FOXP2: variants seen among roughly 807,000 people sequenced by gnomAD.
FOXP2 encodes forkhead box P2, also known as forkhead box protein P2.
A neutral mutation model predicts 115.8 loss-of-function variants in FOXP2; 12 were observed. The ratio of observed to expected loss-of-function variants is 0.10; its 90% CI spans 0.07 to 0.17. The LOEUF (loss-of-function observed/expected upper bound fraction) is 0.17. Ranked by LOEUF, FOXP2 falls within the 10% of genes least tolerant of loss-of-function variation. The probability of loss-of-function intolerance (pLI) is 1.00; values close to 1 mark genes in which losing one functional copy is unlikely to be tolerated. For synonymous variants in FOXP2, 328 were observed against 297.7 expected, an observed-to-expected ratio of 1.10 and a Z score of -1.05; for missense variants, 629 against 843.5, an observed-to-expected ratio of 0.75 and a Z score of 3.15.
intron 1 of FOXP2, among the ~76,000 whole-genome samples, chr7:114,255,778 C>A (rs1045796505): frequency 3.3e-5 from 5 of 152,124 alleles, no homozygotes; most frequent in African/African-American, 1.2e-4. Flanking sequence ...GGCTCACACT[C>A]GGTGTGCTCC....
At chr7:114,549,326 G>A (rs1293954240) in intron 3 of FOXP2, among the ~76,000 whole-genome samples, 2 of 152,106 alleles carry the variant, frequency 1.3e-5, no homozygotes, top group Admixed American at 6.5e-5. Context: ...AGTTCTGTCC[G>A]ATTACAAGGT....
At chr7:114,166,263 A>T (rs759950985) in intron 1 of FOXP2, among the ~76,000 whole-genome samples, 1 of 152,210 alleles carries the variant, frequency 6.6e-6, no homozygotes, top group Non-Finnish European at 1.5e-5. Flanking sequence ...GTTGGATTTC[A>T]TTAAAATTAA....
intron 1 of FOXP2, among the ~76,000 whole-genome samples, chr7:114,179,305 C>T (rs1050204651): frequency 1.3e-5 from 2 of 151,956 alleles, no homozygotes; most frequent in African/African-American, 4.8e-5. Context: ...AATTTCTCAA[C>T]AGTTTCATTA....
chr7:114,539,251 A>C (rs1562985435), intron 3 of FOXP2, among the ~76,000 whole-genome samples: 1 of 151,932 alleles, frequency 6.6e-6, no homozygotes, highest in Non-Finnish European at 1.5e-5. Context: ...GGGATATAGA[A>C]TCACTCATTA....
chr7:114,466,823 T>C (rs911251336), intron 2 of FOXP2, among the ~76,000 whole-genome samples: 2 of 152,244 alleles, frequency 1.3e-5, no homozygotes, highest in African/African-American at 4.8e-5. Context: ...GCTTAAGGTT[T>C]TCTTTTTGCT....
chr7:114,618,027 A>G (rs1321535545), intron 3 of FOXP2, among the ~76,000 whole-genome samples: 1 of 152,134 alleles, frequency 6.6e-6, no homozygotes, highest in East Asian at 1.9e-4. Flanking sequence ...ATTCCTACTC[A>G]TTCATTGAAA....
At chr7:114,148,455 T>C (rs928219827) in intron 1 of FOXP2, among the ~76,000 whole-genome samples, 5 of 152,144 alleles carry the variant, frequency 3.3e-5, no homozygotes, top group African/African-American at 1.2e-4. Flanking sequence ...CCTCTCCACC[T>C]GAAATCTGTA....
At chr7:114,254,887 A>G (rs1194325) in intron 1 of FOXP2, among the ~76,000 whole-genome samples, 84,768 of 152,050 alleles carry the variant, frequency 0.56, 26,550 homozygotes, top group Admixed American at 0.74. Context: ...TAGAATTTTC[A>G]GCTTTTCTGC....
intron 1 of FOXP2, among the ~76,000 whole-genome samples, chr7:114,139,624 G>C (rs1792147762): frequency 6.6e-6 from 1 of 152,078 alleles, no homozygotes; most frequent in Admixed American, 6.5e-5. Flanking sequence ...ACTTTAGTCA[G>C]AATAATCATT....
At chr7:114,672,379 G>C (rs1222510669) in intron 16 of FOXP2, among the ~76,000 whole-genome samples, 1 of 152,144 alleles carries the variant, frequency 6.6e-6, no homozygotes, top group African/African-American at 2.4e-5. Context: ...GAGGTCAGGA[G>C]TTCAAGACCA....
chr7:114,316,719 G>A (rs1562867949), intron 2 of FOXP2, among the ~76,000 whole-genome samples: 3 of 152,094 alleles, frequency 2.0e-5, no homozygotes, highest in South Asian at 4.1e-4. Flanking sequence ...TGTTTAAAGC[G>A]TTGCTCAGAG....
intron 2 of FOXP2, among the ~76,000 whole-genome samples, chr7:114,342,940 T>C (rs1026755895): frequency 2.6e-5 from 4 of 151,568 alleles, no homozygotes; most frequent in Middle Eastern, 3.2e-3. Context: ...TGTTCAGAAA[T>C]CTAAAAATGC....
chr7:114,626,531 ATCTCTC>A (rs35087540), intron 3 of FOXP2, among the ~76,000 whole-genome samples: 91 of 147,416 alleles, frequency 6.2e-4, no homozygotes, highest in African/African-American at 1.7e-3. Flanking sequence ...TAGAAGGCAT[ATCTCTC>A]TCTCTCTCTC....
At chr7:114,371,208 G>A (rs1455879553) in intron 2 of FOXP2, among the ~76,000 whole-genome samples, 2 of 150,930 alleles carry the variant, frequency 1.3e-5, no homozygotes, top group Admixed American at 6.6e-5. Context: ...AGCCTCCTAA[G>A]TAGCTGGAAC....
At chr7:114,087,630 G>GCGGCGGCGC (rs1343515022), upstream of FOXP2, 13 of 147,262 alleles carry the variant, frequency 8.8e-5, no homozygotes, top group Non-Finnish European at 1.8e-4. Flanking sequence ...TGCGGCGGCG[G>GCGGCGGCGC]CGGCGGCGCC....
rs2129155496 is a variant in FOXP2 at position 114,183,151 on chromosome 7, T to C, written c.-102+20063T>C. 3.9e-5 allele frequency among the ~76,000 whole-genome samples: 6 copies of C among 152,278 alleles called. 1 individual carries two copies. Among genetic ancestry groups the C allele is most frequent in the Admixed American group, 3.9e-4 (6 of 15,290 alleles). ...AAGAAAAAAACAAAAATGTTTGCAC[T>C]TTTTTGAGAAGTTGTTTAGAAATTA... is the stretch of plus-strand genomic sequence containing the variant. On this transcript the variant is annotated intron_variant, in intron 1 of 17. Transcript: ENST00000634411.
chr7:114,264,146 AC>A (rs1795835256), intron 1 of FOXP2, among the ~76,000 whole-genome samples: 1 of 152,080 alleles, frequency 6.6e-6, no homozygotes, highest in Non-Finnish European at 1.5e-5. Context: ...TATTTGCCTT[AC>A]TTCTCTTCAC....
intron 2 of FOXP2, among the ~76,000 whole-genome samples, chr7:114,491,033 G>T (rs866119976): frequency 1.3e-5 from 2 of 152,172 alleles, no homozygotes; most frequent in Non-Finnish European, 2.9e-5. Flanking sequence ...TAATGGGATG[G>T]CTGGGCCAAA....
chr7:114,446,537 T>A (rs1244689326), intron 2 of FOXP2, among the ~76,000 whole-genome samples: 1 of 151,982 alleles, frequency 6.6e-6, no homozygotes, highest in Non-Finnish European at 1.5e-5. Context: ...CATACTTTTT[T>A]AAAAAGCTGA....
Sources: allele counts gnomAD v4.1 joint callset (sites outside exome capture counted in the v4.1 genomes callset), GRCh38; gene constraint gnomAD v4.1.1; transcripts MANE v1.5; gene names NCBI Gene and HGNC (gene_info 2026-07-23, HGNC 2026-07-21).